The following SHISA9 variants were observed in gnomAD, a reference collection of about 807,000 sequenced individuals.
The protein encoded by SHISA9 is protein shisa-9.
Under a neutral mutation model 38.0 loss-of-function variants are expected in SHISA9, and 13 were observed. The ratio of observed to expected loss-of-function variants is 0.34; its 90% confidence interval spans 0.22 to 0.54. SHISA9 has a LOEUF of 0.54. SHISA9 is among the 20% of genes least tolerant of loss of function. SHISA9 has a pLI of 0.91. For synonymous variants in SHISA9, 275 were observed against 242.0 expected (o/e 1.14, Z -1.27); for missense variants, 538 against 575.8 (o/e 0.93, Z 0.67).
the SHISA9 span, among the ~76,000 whole-genome samples, chr16:13,452,056 C>T: frequency 5.9e-5 from 9 of 152,168 alleles, no homozygotes; most frequent in East Asian, 1.7e-3. Context: ...ACCTCTAATT[C>T]TGCATGTCAC....
intron 4 of SHISA9, among the ~76,000 whole-genome samples, chr16:13,216,222 G>C (rs892330242): frequency 6.8e-6 from 1 of 146,032 alleles, no homozygotes; most frequent in Non-Finnish European, 1.5e-5. Context: ...AGACAATTTG[G>C]ATATGATGGG....
chr16:12,916,360 G>C (rs1437527241), intron 1 of SHISA9, among the ~76,000 whole-genome samples: 1 of 152,102 alleles, frequency 6.6e-6, no homozygotes, highest in African/African-American at 2.4e-5. Flanking sequence ...TCTAGTGTTA[G>C]ATATAAAGAG....
At position 13,235,491 on chromosome 16, in the gene SHISA9, T is replaced by TC; in HGVS notation, c.*86dup. 2 of 1,418,634 alleles carry TC rather than the reference T, an allele frequency of 1.4e-6. No individual in the cohort carries two copies. The highest frequency in any genetic ancestry group is 1.9e-6 in the Non-Finnish European group (2 of 1,075,192). The allele number at this position is 1,418,634 out of a possible 1,614,324, so 87.9% of individuals were successfully genotyped here. A position where few individuals can be genotyped will look rare whatever the true frequency, so the allele number is the denominator to read the frequency against. On this transcript the variant is annotated 3_prime_UTR_variant, in exon 5 of 5. Transcript: ENST00000558583. Reference sequence around the variant, plus strand: ...AACCCCGCCCACACCCTCCCCATCCTCCCCTAATACATGCGTCCACACACT... The same window carrying TC: ...AACCCCGCCCACACCCTCCCCATCCTCCCCCTAATACATGCGTCCACACACT...
chr16:13,374,823 A>G, the SHISA9 span, among the ~76,000 whole-genome samples: 1 of 152,158 alleles, frequency 6.6e-6, no homozygotes, highest in African/African-American at 2.4e-5. Flanking sequence ...CCTCTCCAGC[A>G]TCTGTTGTTT....
chr16:13,401,699 T>C, the SHISA9 span, among the ~76,000 whole-genome samples: 1 of 152,162 alleles, frequency 6.6e-6, no homozygotes, highest in Non-Finnish European at 1.5e-5. Flanking sequence ...GTGACCAAAT[T>C]GTCTGGCATC....
chr16:13,068,347 TA>T (rs2073458776), intron 2 of SHISA9, among the ~76,000 whole-genome samples: 1 of 152,244 alleles, frequency 6.6e-6, no homozygotes, highest in African/African-American at 2.4e-5. Flanking sequence ...TAGTTGTTTT[TA>T]CTATTTTTCT....
the SHISA9 span, among the ~76,000 whole-genome samples, chr16:13,409,642 C>G: frequency 6.6e-6 from 1 of 152,200 alleles, no homozygotes; most frequent in African/African-American, 2.4e-5. Flanking sequence ...AATTGAGAAT[C>G]ACATAAACTT....
chr16:13,186,265 A>G (rs959000394), intron 2 of SHISA9, among the ~76,000 whole-genome samples: 1 of 150,882 alleles, frequency 6.6e-6, no homozygotes, highest in Non-Finnish European at 1.5e-5. Context: ...GGAAAAAAAT[A>G]ACATGAAATT....
intron 2 of SHISA9, among the ~76,000 whole-genome samples, chr16:13,006,369 C>T (rs2072598299): frequency 6.6e-6 from 1 of 152,110 alleles, no homozygotes; most frequent in South Asian, 2.1e-4. Flanking sequence ...GGGTCTCCAT[C>T]CACTGCCACC....
chr16:12,974,930 CTATATT>C (rs2072136611), intron 2 of SHISA9, among the ~76,000 whole-genome samples: 4 of 152,266 alleles, frequency 2.6e-5, no homozygotes, highest in South Asian at 2.1e-4. Flanking sequence ...ATCTATCTCT[CTATATT>C]TATATAAACT....
At chr16:13,288,730 G>T in the SHISA9 span, among the ~76,000 whole-genome samples, 2 of 152,082 alleles carry the variant, frequency 1.3e-5, no homozygotes, top group Non-Finnish European at 2.9e-5. Flanking sequence ...GGCAGAGATT[G>T]CAGTGAGCCG....
intron 1 of SHISA9, among the ~76,000 whole-genome samples, chr16:12,913,065 A>C (rs1015330967): frequency 6.6e-6 from 1 of 152,200 alleles, no homozygotes; most frequent in Non-Finnish European, 1.5e-5. Context: ...TAACTTAAAA[A>C]AAAAGTATAC....
At chr16:13,485,440 A>G in the SHISA9 span, among the ~76,000 whole-genome samples, 1 of 152,100 alleles carries the variant, frequency 6.6e-6, no homozygotes, top group Non-Finnish European at 1.5e-5. Context: ...CCAGTCTATC[A>G]TTGAGGGTAA....
chr16:13,308,507 T>G, the SHISA9 span, among the ~76,000 whole-genome samples: 2 of 152,194 alleles, frequency 1.3e-5, no homozygotes, highest in East Asian at 1.9e-4. Flanking sequence ...AGTGTCCCCA[T>G]GAGCATGGGT....
intron 2 of SHISA9, among the ~76,000 whole-genome samples, chr16:13,052,727 G>A (rs1260707005): frequency 6.6e-6 from 1 of 151,984 alleles, no homozygotes; most frequent in African/African-American, 2.4e-5. Context: ...TTTTTCAGTG[G>A]TAGCCAAACC....
intron 2 of SHISA9, among the ~76,000 whole-genome samples, chr16:13,011,826 C>CT (rs201345998): frequency 1.2e-4 from 18 of 147,040 alleles, no homozygotes; most frequent in Admixed American, 4.7e-4. Flanking sequence ...TGGCCTTTGA[C>CT]TTTTTTTTTT....
chr16:12,999,412 T>C (rs970546108), intron 2 of SHISA9, among the ~76,000 whole-genome samples: 3 of 152,202 alleles, frequency 2.0e-5, no homozygotes, highest in African/African-American at 7.2e-5. Context: ...CTGCACATGT[T>C]CATAGATGAC....
intron 2 of SHISA9, among the ~76,000 whole-genome samples, chr16:13,009,012 A>G (rs1291411234): frequency 6.6e-6 from 1 of 152,120 alleles, no homozygotes; most frequent in Non-Finnish European, 1.5e-5. Flanking sequence ...GAAGGACTCC[A>G]TAGGGGATGG....
chr16:12,982,344 A>G (rs2072249939), intron 2 of SHISA9, among the ~76,000 whole-genome samples: 2 of 152,258 alleles, frequency 1.3e-5, no homozygotes, highest in Admixed American at 1.3e-4. Flanking sequence ...AGTGATTGCC[A>G]TAGTGGACAG....
Sources: allele counts gnomAD v4.1 joint callset (sites outside exome capture counted in the v4.1 genomes callset), GRCh38; gene constraint gnomAD v4.1.1; transcripts MANE v1.5; gene names NCBI Gene and HGNC (gene_info 2026-07-23, HGNC 2026-07-21).